FHIT: variants seen among roughly 807,000 people sequenced by gnomAD.
FHIT encodes bis(5'-adenosyl)-triphosphatase.
A neutral mutation model predicts 17.9 loss-of-function variants in FHIT; 19 were observed. The ratio of observed to expected loss-of-function variants is 1.06; its 90% CI spans 0.74 to 1.56. The LOEUF (loss-of-function observed/expected upper bound fraction) is 1.56, where lower values mean the gene tolerates loss of function less well. Ranked by LOEUF, FHIT falls within the 40% of genes most tolerant of loss-of-function variation. The probability of loss-of-function intolerance (pLI) is 0.00; values close to 1 mark genes in which losing one functional copy is unlikely to be tolerated. For missense variants in FHIT, 248 were observed against 189.2 expected (o/e 1.31, Z -1.82); for synonymous variants, 81 against 69.7 (o/e 1.16, Z -0.81).
At chr3:61,182,962 A>G (rs565359329) in intron 2 of FHIT, among the ~76,000 whole-genome samples, 1 of 152,342 alleles carries the variant, frequency 6.6e-6, no homozygotes, top group South Asian at 2.1e-4. Flanking sequence ...TCCATCACAA[A>G]GAAATCACAT....
In FHIT at chr3:61,145,813, C is replaced by T. The variant is rs561478107; in HGVS notation, c.-164+54804G>A. Among the ~76,000 whole-genome samples the T allele has an allele frequency of 1.5e-3, 232 of 152,082 alleles. 1 individual carries two copies. Among genetic ancestry groups the T allele is most frequent in the Non-Finnish European group, 2.8e-3 (190 of 67,904 alleles). ...TTCTTAATCTCTTTTCCAGACTGTT[C>T]ATTGCTAGTATATAGAAATAAGATT... On this transcript the variant is annotated intron_variant, in intron 2 of 9. Coordinates refer to ENST00000492590, the MANE Select transcript of FHIT (RefSeq NM_002012.4).
chr3:60,154,740 CTACA>C (rs1334261437), intron 5 of FHIT, among the ~76,000 whole-genome samples: 3 of 152,150 alleles, frequency 2.0e-5, no homozygotes, highest in African/African-American at 7.2e-5. Context: ...TTTTCTTCTA[CTACA>C]TAATCTCTGT....
chr3:60,690,009 G>A (rs1335367322), intron 4 of FHIT, among the ~76,000 whole-genome samples: 1 of 152,114 alleles, frequency 6.6e-6, no homozygotes, highest in African/African-American at 2.4e-5. Flanking sequence ...TTTTGTTGTT[G>A]TTGTGGTTGT....
chr3:60,624,630 T>C (rs576668482), intron 4 of FHIT, among the ~76,000 whole-genome samples: 3 of 152,284 alleles, frequency 2.0e-5, no homozygotes, highest in Non-Finnish European at 4.4e-5. Flanking sequence ...AATAAAAACT[T>C]GGAATAAATA....
At chr3:59,788,171 A>G (rs1699393906) in intron 8 of FHIT, among the ~76,000 whole-genome samples, 2 of 152,066 alleles carry the variant, frequency 1.3e-5, no homozygotes, top group Non-Finnish European at 2.9e-5. Context: ...CCCCTCTCCC[A>G]TCATTTCTCC....
intron 4 of FHIT, among the ~76,000 whole-genome samples, chr3:60,811,189 A>T (rs1701561058): frequency 1.3e-5 from 2 of 152,220 alleles, no homozygotes; most frequent in Non-Finnish European, 2.9e-5. Context: ...AACAAAGCTA[A>T]CTATAGTCTG....
intron 5 of FHIT, among the ~76,000 whole-genome samples, chr3:60,210,419 AT>A (rs1398695213): frequency 2.6e-5 from 4 of 152,188 alleles, no homozygotes; most frequent in Non-Finnish European, 5.9e-5. Context: ...ATTATTTAAA[AT>A]CCCAAAGTAA....
At chr3:61,078,052 A>C (rs1185856038) in intron 2 of FHIT, among the ~76,000 whole-genome samples, 1 of 152,140 alleles carries the variant, frequency 6.6e-6, no homozygotes, top group East Asian at 1.9e-4. Context: ...GTGGTTAGTT[A>C]AAGCAGACAG....
chr3:60,210,826 T>C (rs2107515309), intron 5 of FHIT, among the ~76,000 whole-genome samples: 1 of 152,160 alleles, frequency 6.6e-6, no homozygotes, highest in Middle Eastern at 3.4e-3. Context: ...GCAAACCCTA[T>C]GGATAAGTGT....
At chr3:60,047,258 T>G (rs988409003) in intron 5 of FHIT, among the ~76,000 whole-genome samples, 2 of 152,208 alleles carry the variant, frequency 1.3e-5, no homozygotes, top group African/African-American at 4.8e-5. Context: ...ATCCACATTG[T>G]TATAATGCTG....
At chr3:60,442,250 T>C (rs1050817598) in intron 5 of FHIT, among the ~76,000 whole-genome samples, 8 of 152,166 alleles carry the variant, frequency 5.3e-5, no homozygotes, top group African/African-American at 1.9e-4. Context: ...TACCTAAGGT[T>C]CCTGATTCAT....
At chr3:60,703,871 T>G (rs938454047) in intron 4 of FHIT, among the ~76,000 whole-genome samples, 14 of 152,212 alleles carry the variant, frequency 9.2e-5, no homozygotes, top group African/African-American at 3.4e-4. Flanking sequence ...CTTTCTTCTA[T>G]GATTATTGGT....
chr3:60,346,728 A>T (rs1403433336), intron 5 of FHIT, among the ~76,000 whole-genome samples: 1 of 152,172 alleles, frequency 6.6e-6, no homozygotes, highest in African/African-American at 2.4e-5. Context: ...GTTGCAACTA[A>T]ATTGCATTAA....
Position 60,174,502 on chromosome 3 carries a change from G to GA in FHIT, c.104-160351dup, listed in dbSNP as rs374868255. Among the ~76,000 whole-genome samples the GA allele has an allele frequency of 2.7e-3, 406 of 151,986 alleles. 2 individuals are homozygous for GA. The highest frequency in any genetic ancestry group is 9.2e-3 in the African/African-American group (383 of 41,472). Reference sequence around the variant, plus strand: ...TTAACACTGTTGGCCTTTCTAACTGGAAAAAAAGTCTATTATTTTTATACT... The same window carrying GA: ...TTAACACTGTTGGCCTTTCTAACTGGAAAAAAAAGTCTATTATTTTTATACT... On this transcript the variant is annotated intron_variant, in intron 5 of 9. Transcript: ENST00000492590.
chr3:59,781,038 T>G (rs567341324), intron 8 of FHIT, among the ~76,000 whole-genome samples: 1 of 152,298 alleles, frequency 6.6e-6, no homozygotes, highest in East Asian at 1.9e-4. Flanking sequence ...TATTATAAAC[T>G]ACCTTAAAGA....
At chr3:60,588,391 T>G (rs999099694) in intron 4 of FHIT, among the ~76,000 whole-genome samples, 4 of 150,410 alleles carry the variant, frequency 2.7e-5, no homozygotes, top group Non-Finnish European at 5.9e-5. Flanking sequence ...ATGTGAAAAA[T>G]GCCACTCTCT....
intron 5 of FHIT, among the ~76,000 whole-genome samples, chr3:60,482,561 A>G (rs378987): frequency 0.2 from 30,021 of 152,066 alleles, 5,184 homozygotes; most frequent in African/African-American, 0.46. Flanking sequence ...ATTGAACAAC[A>G]TGATCCTGAG....
At chr3:60,023,422 C>A (rs764570915) in intron 5 of FHIT, among the ~76,000 whole-genome samples, 1 of 152,158 alleles carries the variant, frequency 6.6e-6, no homozygotes, top group Non-Finnish European at 1.5e-5. Context: ...TAGAGTGAAA[C>A]CTGGGGCCCA....
At chr3:60,460,208 G>A (rs1488882074) in intron 5 of FHIT, among the ~76,000 whole-genome samples, 2 of 152,068 alleles carry the variant, frequency 1.3e-5, no homozygotes, top group Non-Finnish European at 2.9e-5. Context: ...AATCTGATGA[G>A]GACTTATTTT....
Sources: gnomAD v4.1 joint callset for allele counts (sites outside exome capture counted in the v4.1 genomes callset) on GRCh38, gnomAD v4.1.1 for gene constraint, MANE v1.5 for transcripts, NCBI Gene and HGNC (gene_info 2026-07-23, HGNC 2026-07-21) for gene names.